PTPRD: variants seen among roughly 807,000 people sequenced by gnomAD.
PTPRD encodes the protein receptor-type tyrosine-protein phosphatase delta.
Under a neutral mutation model 214.5 loss-of-function variants are expected in PTPRD, and 34 were observed. That is an observed-to-expected ratio of 0.16 (90% CI 0.12 to 0.21). The LOEUF is 0.21. PTPRD is among the 10% of genes least tolerant of loss of function. The pLI, the probability that PTPRD is intolerant of heterozygous loss-of-function variation, is 1.00. For missense variants in PTPRD, 2,545 were observed against 2,398.7 expected (o/e 1.06, Z -1.27); for synonymous variants, 1,128 against 845.7 (o/e 1.33, Z -5.79).
intron 8 of PTPRD, among the ~76,000 whole-genome samples, chr9:9,494,451 C>A (rs6477397): frequency 6.6e-6 from 1 of 151,980 alleles, no homozygotes; most frequent in Non-Finnish European, 1.5e-5. Context: ...ACCCCAACCT[C>A]GAGTAACCAC....
At chr9:9,639,150 C>T (rs1157233228) in intron 7 of PTPRD, among the ~76,000 whole-genome samples, 1 of 152,102 alleles carries the variant, frequency 6.6e-6, no homozygotes, top group Non-Finnish European at 1.5e-5. Flanking sequence ...ATTATTAAAT[C>T]ACTTTGATTT....
At chr9:9,241,648 CAG>C (rs754525838) in intron 9 of PTPRD, among the ~76,000 whole-genome samples, 14 of 151,894 alleles carry the variant, frequency 9.2e-5, no homozygotes, top group Non-Finnish European at 1.6e-4. Context: ...CCTGTTTTAT[CAG>C]AGACTAGGAT....
At chr9:9,960,710 A>C (rs183176478) in intron 4 of PTPRD, among the ~76,000 whole-genome samples, 1 of 152,318 alleles carries the variant, frequency 6.6e-6, no homozygotes, top group East Asian at 1.9e-4. Context: ...AATACTCATC[A>C]ACAATAAGGA....
chr9:9,154,227 A>G (rs896319315), intron 10 of PTPRD, among the ~76,000 whole-genome samples: 2 of 152,202 alleles, frequency 1.3e-5, no homozygotes, highest in Non-Finnish European at 2.9e-5. Context: ...AGAAAAAAAT[A>G]TGTTTATAGT....
At chr9:10,426,992 G>C (rs1367536956) in intron 2 of PTPRD, among the ~76,000 whole-genome samples, 1 of 151,950 alleles carries the variant, frequency 6.6e-6, no homozygotes, top group Non-Finnish European at 1.5e-5. Flanking sequence ...AAATTAAAGA[G>C]TCTTACAAGA....
intron 9 of PTPRD, among the ~76,000 whole-genome samples, chr9:9,354,772 T>C (rs2053053956): frequency 6.6e-6 from 1 of 151,770 alleles, no homozygotes; most frequent in African/African-American, 2.4e-5. Context: ...TGGGGTACCA[T>C]GGGTGCTTCT....
chr9:10,036,877 A>ATTATTTATTTATTTAT lies in PTPRD; in HGVS notation c.-544-3103_-544-3088dup, dbSNP rs59177466. On this transcript the variant is annotated intron_variant, in intron 3 of 45. Coordinates refer to ENST00000381196, the MANE Select transcript of PTPRD (RefSeq NM_002839.4). ...GATTACAGGCCTGAGCCAAATTTTT[A>ATTATTTATTTATTTAT]TTATTTATTTATTTATTTATTTATT... Among the ~76,000 whole-genome samples, 62 of 107,260 alleles carry ATTATTTATTTATTTAT rather than the reference A, an allele frequency of 5.8e-4. 1 individual carries two copies. The South Asian group carries it at 0.019, about 33-fold the overall frequency. The allele number at this position is 107,260 out of a possible 152,430, so 70.4% of individuals were successfully genotyped here. A position where few individuals can be genotyped will look rare whatever the true frequency, so the allele number is the denominator to read the frequency against.
intron 11 of PTPRD, among the ~76,000 whole-genome samples, chr9:8,744,314 A>T (rs932222947): frequency 1.3e-5 from 2 of 151,996 alleles, no homozygotes; most frequent in African/African-American, 4.8e-5. Flanking sequence ...ACCTAGAAGA[A>T]AAGAAGTCAT....
At chr9:10,103,377 T>TTTTATATATATA (rs1554643479) in intron 3 of PTPRD, among the ~76,000 whole-genome samples, 2 of 72,424 alleles carry the variant, frequency 2.8e-5, no homozygotes, top group African/African-American at 1.5e-4. Context: ...AAACTGCATA[T>TTTTATATATATA]TATATATATA....
chr9:10,531,852 G>T (rs1566774971), intron 2 of PTPRD, among the ~76,000 whole-genome samples: 1 of 152,148 alleles, frequency 6.6e-6, no homozygotes, highest in Non-Finnish European at 1.5e-5. Flanking sequence ...TCAAAGAAAT[G>T]TAATAGCAGA....
chr9:9,603,681 G>A (rs1178943199), intron 7 of PTPRD, among the ~76,000 whole-genome samples: 1 of 152,104 alleles, frequency 6.6e-6, no homozygotes, highest in Non-Finnish European at 1.5e-5. Context: ...AATGCCTGAT[G>A]ATTTGAGGTG....
intron 8 of PTPRD, among the ~76,000 whole-genome samples, chr9:9,571,852 A>G (rs574608903): frequency 2.6e-4 from 39 of 151,354 alleles, no homozygotes; most frequent in Non-Finnish European, 5.0e-4. Context: ...ACATATACAG[A>G]GCAATTACAA....
intron 12 of PTPRD, among the ~76,000 whole-genome samples, chr9:8,654,390 A>G (rs767021546): frequency 3.9e-5 from 6 of 152,192 alleles, no homozygotes; most frequent in Admixed American, 2.0e-4. Context: ...TACTCCTCCG[A>G]TATTACAACG....
chr9:9,967,680 G>A (rs768294783), intron 4 of PTPRD, among the ~76,000 whole-genome samples: 8 of 152,104 alleles, frequency 5.3e-5, no homozygotes, highest in Non-Finnish European at 1.2e-4. Flanking sequence ...AAAATGAGAA[G>A]TTTAAGCATC....
intron 2 of PTPRD, among the ~76,000 whole-genome samples, chr9:10,361,654 T>A (rs1036358235): frequency 6.6e-6 from 1 of 152,188 alleles, no homozygotes; most frequent in Non-Finnish European, 1.5e-5. Context: ...CAAAATTCTA[T>A]GTCAAAATCT....
chr9:10,397,227 C>G (rs889963072), intron 2 of PTPRD, among the ~76,000 whole-genome samples: 2 of 152,018 alleles, frequency 1.3e-5, no homozygotes, highest in African/African-American at 4.8e-5. Context: ...CAGTTAACAC[C>G]TATGTGACTT....
intron 43 of PTPRD, 100 bp from the exon 44 acceptor site, chr9:8,331,836 C>T (rs1038354778): frequency 2.1e-6 from 3 of 1,400,288 alleles, no homozygotes; most frequent in Admixed American, 2.7e-5. Context: ...TTCCCGAAAA[C>T]AAAAAGGGTA....
At chr9:9,656,097 G>A (rs1172147546) in intron 7 of PTPRD, among the ~76,000 whole-genome samples, 1 of 152,166 alleles carries the variant, frequency 6.6e-6, no homozygotes, top group Non-Finnish European at 1.5e-5. Context: ...TTCCCATGGG[G>A]AAAATCCAAA....
At chr9:10,019,670 C>T (rs978626758) in intron 4 of PTPRD, among the ~76,000 whole-genome samples, 11 of 151,920 alleles carry the variant, frequency 7.2e-5, no homozygotes, top group South Asian at 2.1e-4. Flanking sequence ...AGCAAACTAT[C>T]GCAAGGACAA....
Sources: allele counts gnomAD v4.1 joint callset (sites outside exome capture counted in the v4.1 genomes callset), GRCh38; gene constraint gnomAD v4.1.1; transcripts MANE v1.5; gene names NCBI Gene and HGNC (gene_info 2026-07-23, HGNC 2026-07-21).